Variants in JMJD1C observed in about 807,000 individuals in gnomAD.
JMJD1C encodes jumonji domain containing 1C.
Under a neutral mutation model 245.3 loss-of-function variants are expected in JMJD1C, and 31 were observed. That is an observed-to-expected ratio of 0.13 (90% confidence interval 0.09 to 0.17). JMJD1C has a LOEUF of 0.17. JMJD1C is among the 10% of genes least tolerant of loss of function. The pLI is 1.00. For synonymous variants in JMJD1C, 1,057 were observed against 1,017.4 expected (o/e 1.04, Z -0.74); for missense variants, 2,691 against 3,000.2 (o/e 0.90, Z 2.41).
At chr10:63,319,255 TA>T (rs59018554) in intron 2 of JMJD1C, among the ~76,000 whole-genome samples, 14,260 of 85,814 alleles carry the variant, frequency 0.17, 798 homozygotes, top group East Asian at 0.3. Context: ...AGACTCCATC[TA>T]AAAAAAAAAA....
chr10:63,380,857 T>C (rs1043463376), intron 1 of JMJD1C, among the ~76,000 whole-genome samples: 2 of 152,226 alleles, frequency 1.3e-5, no homozygotes, highest in African/African-American at 4.8e-5. Flanking sequence ...GAAAACAGTA[T>C]GGAGGTTCCT....
chr10:63,399,276 G>A (rs1948705228), intron 1 of JMJD1C, among the ~76,000 whole-genome samples: 1 of 151,950 alleles, frequency 6.6e-6, no homozygotes, highest in African/African-American at 2.4e-5. Context: ...TTTGATTCTG[G>A]TATTACAAAA....
chr10:63,329,969 A>G (rs1379495257), intron 2 of JMJD1C, among the ~76,000 whole-genome samples: 1 of 152,178 alleles, frequency 6.6e-6, no homozygotes, highest in South Asian at 2.1e-4. Flanking sequence ...GGTACAATCT[A>G]GGCTCACTGC....
At chr10:63,507,275 G>A (rs1016542677) in intron 1 of JMJD1C, among the ~76,000 whole-genome samples, 7 of 152,146 alleles carry the variant, frequency 4.6e-5, no homozygotes, top group South Asian at 2.1e-4. Context: ...GGGAAAATAC[G>A]GAGAAGCATG....
At chr10:63,457,598 G>A (rs1174260094) in intron 1 of JMJD1C, among the ~76,000 whole-genome samples, 1 of 152,188 alleles carries the variant, frequency 6.6e-6, no homozygotes, top group Non-Finnish European at 1.5e-5. Context: ...ACTGCAGACA[G>A]GAAGGAAGGA....
chr10:63,227,911 TACC>T (rs1458257206), intron 3 of JMJD1C, among the ~76,000 whole-genome samples: 1 of 152,236 alleles, frequency 6.6e-6, no homozygotes, highest in African/African-American at 2.4e-5. Flanking sequence ...CATTAATTTT[TACC>T]ACACCACATC....
intron 1 of JMJD1C, among the ~76,000 whole-genome samples, chr10:63,392,241 A>G (rs916380675): frequency 6.6e-6 from 1 of 151,914 alleles, no homozygotes; most frequent in Non-Finnish European, 1.5e-5. Flanking sequence ...AAAACTTAAA[A>G]CATAAGACCC....
At chr10:63,348,117 G>A (rs1349493267) in intron 2 of JMJD1C, among the ~76,000 whole-genome samples, 1 of 151,276 alleles carries the variant, frequency 6.6e-6, no homozygotes, top group East Asian at 1.9e-4. Flanking sequence ...TTGGTGGGAG[G>A]ATCGCTTGAA....
intron 1 of JMJD1C, among the ~76,000 whole-genome samples, chr10:63,442,047 T>C (rs985552716): frequency 9.9e-5 from 15 of 152,230 alleles, no homozygotes; most frequent in African/African-American, 3.4e-4. Flanking sequence ...TACATACTGA[T>C]GACTGGTTGA....
intron 9 of JMJD1C, 44 bp downstream of exon 9, chr10:63,209,019 T>C (rs1846997940): frequency 6.7e-7 from 1 of 1,490,198 alleles, no homozygotes; most frequent in Admixed American, 2.1e-5. Context: ...TTAAGAAAAA[T>C]TATGAACAAG....
At chr10:63,391,139 A>C (rs569333603) in intron 1 of JMJD1C, among the ~76,000 whole-genome samples, 1 of 152,338 alleles carries the variant, frequency 6.6e-6, no homozygotes, top group South Asian at 2.1e-4. Context: ...TCAATTCAGT[A>C]AAGTTGCAAG....
chr10:63,248,024 C>CT (rs1352144584), intron 3 of JMJD1C, among the ~76,000 whole-genome samples: 1 of 151,174 alleles, frequency 6.6e-6, no homozygotes, highest in Non-Finnish European at 1.5e-5. Context: ...GGTCAGGAGT[C>CT]TGAGACCAGC....
At chr10:63,347,461 T>C (rs1218922439) in intron 2 of JMJD1C, among the ~76,000 whole-genome samples, 3 of 151,244 alleles carry the variant, frequency 2.0e-5, no homozygotes, top group African/African-American at 7.3e-5. Flanking sequence ...GGCGCACGCC[T>C]GTAGTCCCAG....
intron 2 of JMJD1C, among the ~76,000 whole-genome samples, chr10:63,301,037 G>C (rs1437638950): frequency 1.3e-5 from 2 of 152,114 alleles, no homozygotes; most frequent in African/African-American, 4.8e-5. Flanking sequence ...CCTTTTTTAA[G>C]ACAGAGTCTG....
rs55879769 is a variant in JMJD1C at position 63,361,719 on chromosome 10, T to TAAAAAA, written c.333+18593_333+18598dup. Reference sequence around the variant, plus strand: ...GGCAACAGAACAATACTGTCTCAACTAAAAAAAAAAAAAAAAAAAAAAAAA... The same window carrying TAAAAAA: ...GGCAACAGAACAATACTGTCTCAACTAAAAAAAAAAAAAAAAAAAAAAAAAAAAAAA... On this transcript the variant is annotated intron_variant, in intron 2 of 25. Coordinates refer to ENST00000399262, the MANE Select transcript of JMJD1C (RefSeq NM_032776.3). Among the ~76,000 whole-genome samples the TAAAAAA allele has an allele frequency of 3.4e-3, 320 of 95,472 alleles. 5 individuals carry two copies. The highest frequency in any genetic ancestry group is 5.4e-3 in the African/African-American group (123 of 22,604). 62.6% of individuals were successfully genotyped at this position (95,472 alleles called of 152,430 possible).
At chr10:63,195,723 G>A (rs770763341) in intron 13 of JMJD1C, among the ~76,000 whole-genome samples, 28 of 151,964 alleles carry the variant, frequency 1.8e-4, no homozygotes, top group Admixed American at 3.3e-4. Flanking sequence ...GGCCGATCAC[G>A]AGGTCAGGAG....
chr10:63,321,041 AAT>A (rs200106476), intron 2 of JMJD1C, among the ~76,000 whole-genome samples: 1,553 of 152,264 alleles, frequency 0.01, 9 homozygotes, highest in Non-Finnish European at 0.014. Context: ...ACCCCCTAAA[AAT>A]AGAGTTTGAA....
At position 63,217,335 on chromosome 10, in the gene JMJD1C, A is replaced by T. The variant is rs773576237; in HGVS notation, c.554-4T>A. 1.9e-6 allele frequency: 3 copies of T among 1,551,484 alleles called. No individual in the cohort carries two copies. Among genetic ancestry groups the T allele is most frequent in the South Asian group, 1.2e-5 (1 of 80,612 alleles). ...TATCCATTTAAGGAATAAGGACCTT[A>T]AAAAAAACACAAGAAACAGAAACAT... On this transcript the variant is annotated splice_region_variant and splice_polypyrimidine_tract_variant and intron_variant, in intron 4 of 25. Coordinates refer to ENST00000399262, the MANE Select transcript of JMJD1C (RefSeq NM_032776.3).
intron 1 of JMJD1C, among the ~76,000 whole-genome samples, chr10:63,478,710 T>C (rs1365803073): frequency 6.6e-6 from 1 of 152,174 alleles, no homozygotes; most frequent in Non-Finnish European, 1.5e-5. Context: ...ATGCACAACA[T>C]GCAGGAAATA....
Sources: gnomAD v4.1 joint callset for allele counts (sites outside exome capture counted in the v4.1 genomes callset) on GRCh38, gnomAD v4.1.1 for gene constraint, MANE v1.5 for transcripts, NCBI Gene and HGNC (gene_info 2026-07-23, HGNC 2026-07-21) for gene names.